Variants in ARHGAP8 observed in about 807,000 individuals in gnomAD.
ARHGAP8 encodes rho GTPase-activating protein 8.
ARHGAP8 carries 62 observed loss-of-function variants against 46.1 expected under a neutral mutation model. That is an observed-to-expected ratio of 1.34 (90% CI 1.10 to 1.66). The LOEUF (loss-of-function observed/expected upper bound fraction) is 1.66. ARHGAP8 is among the 40% of genes most tolerant of loss of function. The pLI is 0.00. For missense variants in ARHGAP8, 923 were observed against 568.4 expected, an observed-to-expected ratio of 1.62 and a Z score of -6.34; for synonymous variants, 375 against 243.1, an observed-to-expected ratio of 1.54 and a Z score of -5.05.
Position 44,802,290 on chromosome 22 carries a change from G to T in ARHGAP8, c.167+126G>T, listed in dbSNP as rs1928615755. On this transcript the variant is annotated intron_variant, in intron 3 of 11. Coordinates refer to ENST00000356099, the MANE Select transcript of ARHGAP8 (RefSeq NM_181335.3). ...GCCTCCTTTGTGACCTTGCTGGTGTGCAGAGCTCTTGCACTCATGAGCCTA... is the reference window on the plus strand; with the variant it reads ...GCCTCCTTTGTGACCTTGCTGGTGTTCAGAGCTCTTGCACTCATGAGCCTA... The T allele has an allele frequency of 1.4e-5, 18 of 1,253,496 alleles. No homozygotes were observed. In the East Asian group the frequency reaches 4.5e-4, roughly 32 times the overall value. 77.6% of individuals were successfully genotyped at this position (1,253,496 alleles called of 1,614,324 possible).
chr22:44,829,788 CA>C (rs1930808532), intron 7 of ARHGAP8, among the ~76,000 whole-genome samples: 3 of 152,288 alleles, frequency 2.0e-5, no homozygotes, highest in African/African-American at 7.2e-5. Context: ...TTGCCAAGTT[CA>C]AAAGCTTACA....
chr22:44,859,026 A>G (rs1161401646), intron 10 of ARHGAP8, among the ~76,000 whole-genome samples: 2 of 151,806 alleles, frequency 1.3e-5, no homozygotes, highest in Non-Finnish European at 2.9e-5. Flanking sequence ...GTTATTGGCA[A>G]AAACAGGCAG....
intron 7 of ARHGAP8, among the ~76,000 whole-genome samples, chr22:44,841,023 C>T (rs1233485327): frequency 6.6e-6 from 1 of 152,142 alleles, no homozygotes; most frequent in Non-Finnish European, 1.5e-5. Context: ...CTGCAGGCCT[C>T]ATACATGCAG....
chr22:44,763,015 G>T (rs1925262258), intron 1 of ARHGAP8, among the ~76,000 whole-genome samples: 1 of 152,156 alleles, frequency 6.6e-6, no homozygotes, highest in African/African-American at 2.4e-5. Context: ...TGGAGGGTGA[G>T]CGGATCACCA....
chr22:44,822,221 T>C (rs1352483939), intron 5 of ARHGAP8, 150 bp from the exon 6 acceptor site: 1 of 628,108 alleles, frequency 1.6e-6, no homozygotes, highest in Non-Finnish European at 2.6e-6. Flanking sequence ...TTGTGTTATG[T>C]TCGGGTTTTA....
At chr22:44,815,911 TG>T (rs1929705601) in intron 5 of ARHGAP8, among the ~76,000 whole-genome samples, 1 of 151,436 alleles carries the variant, frequency 6.6e-6, no homozygotes, top group Non-Finnish European at 1.5e-5. Context: ...TGGCCCTCCC[TG>T]GGTGAGTTCT....
intron 7 of ARHGAP8, among the ~76,000 whole-genome samples, chr22:44,838,747 C>T (rs1931455908): frequency 6.6e-6 from 1 of 152,156 alleles, no homozygotes; most frequent in African/African-American, 2.4e-5. Flanking sequence ...GCAGGCTCTC[C>T]AGCTGCGTGA....
At chr22:44,841,073 C>A (rs977717595) in intron 7 of ARHGAP8, among the ~76,000 whole-genome samples, 2 of 152,114 alleles carry the variant, frequency 1.3e-5, no homozygotes. Flanking sequence ...TTTATTGGCC[C>A]CATAGAGAGC....
At chr22:44,843,698 G>A (rs905661588) in intron 7 of ARHGAP8, among the ~76,000 whole-genome samples, 1 of 151,982 alleles carries the variant, frequency 6.6e-6, no homozygotes, top group African/African-American at 2.4e-5. Context: ...GGTGGCACAT[G>A]CCTGTAGCCC....
chr22:44,818,497 C>T (rs957924529), intron 5 of ARHGAP8, among the ~76,000 whole-genome samples: 3 of 150,938 alleles, frequency 2.0e-5, no homozygotes, highest in Admixed American at 6.6e-5. Flanking sequence ...CACGTGGCAG[C>T]GTGATGGTGA....
intron 10 of ARHGAP8, among the ~76,000 whole-genome samples, chr22:44,859,471 A>G (rs375253564): frequency 1.3e-5 from 2 of 152,166 alleles, no homozygotes; most frequent in African/African-American, 4.8e-5. Flanking sequence ...TGCTGGTGCC[A>G]TGCTTGTACA....
chr22:44,856,254 CTTTTTTTTTTTTTTTTTTTTTT>C (rs557242169), intron 10 of ARHGAP8, among the ~76,000 whole-genome samples: 4 of 86,824 alleles, frequency 4.6e-5, no homozygotes, highest in East Asian at 3.8e-4. Flanking sequence ...TATAAATTCC[CTTTTTTTTTTTTTTTTTTTTTT>C]TTTTTTTTTT....
chr22:44,859,563 G>C (rs753029479), intron 10 of ARHGAP8, 168 bp from the exon 11 acceptor site: 2 of 659,780 alleles, frequency 3.0e-6, no homozygotes, highest in Admixed American at 2.8e-5. Flanking sequence ...ACACAGGTTT[G>C]CTGAGCAGAG....
At chr22:44,757,805 A>ATTTTTTTTTTTTT (rs132444) in intron 1 of ARHGAP8, among the ~76,000 whole-genome samples, 1 of 137,012 alleles carries the variant, frequency 7.3e-6, no homozygotes. Flanking sequence ...TGCCTGGCTA[A>ATTTTTTTTTTTTT]TTTTTTTTTT....
intron 2 of ARHGAP8, among the ~76,000 whole-genome samples, chr22:44,800,312 G>A (rs1928405529): frequency 6.6e-6 from 1 of 151,948 alleles, no homozygotes; most frequent in Non-Finnish European, 1.5e-5. Context: ...CACCATGCTG[G>A]CCAGGCTGGT....
At chr22:44,795,109 G>T (rs1927988141) in intron 2 of ARHGAP8, among the ~76,000 whole-genome samples, 2 of 151,886 alleles carry the variant, frequency 1.3e-5, no homozygotes, top group Non-Finnish European at 2.9e-5. Flanking sequence ...TTGCCCTTCT[G>T]GTTTGGGAGG....
At chr22:44,799,200 G>A (rs1182245325) in intron 2 of ARHGAP8, among the ~76,000 whole-genome samples, 1 of 152,248 alleles carries the variant, frequency 6.6e-6, no homozygotes, top group East Asian at 1.9e-4. Flanking sequence ...ACTGCATTGA[G>A]CAGAGCCCTT....
rs150958476 is a variant in ARHGAP8 at position 44,760,185 on chromosome 22, G to A, written c.-72+7558G>A. On this transcript the variant is annotated intron_variant, in intron 1 of 11. Coordinates refer to ENST00000356099, the MANE Select transcript of ARHGAP8 (RefSeq NM_181335.3). ...GCCTTGCGCATGCCGTCTTGCCAGC[G>A]TTGGGGACCCAGTGGTGGTTGTGAT... Among the ~76,000 whole-genome samples the A allele has an allele frequency of 4.3e-3, 657 of 152,328 alleles. 6 individuals carry two copies. The highest frequency in any genetic ancestry group is 0.015 in the African/African-American group (620 of 41,584).
intron 6 of ARHGAP8, among the ~76,000 whole-genome samples, chr22:44,825,229 T>TGGCCAGGGGCCTCAGGAG (rs1279940506): frequency 6.6e-6 from 1 of 152,140 alleles, no homozygotes; most frequent in Non-Finnish European, 1.5e-5. Flanking sequence ...GCTGCTCTGC[T>TGGCCAGGGGCCTCAGGAG]GGCCAGGGGC....
Sources: allele counts gnomAD v4.1 joint callset (sites outside exome capture counted in the v4.1 genomes callset), GRCh38; gene constraint gnomAD v4.1.1; transcripts MANE v1.5; gene names NCBI Gene and HGNC (gene_info 2026-07-23, HGNC 2026-07-21).